WDR7: variants seen among roughly 807,000 people sequenced by gnomAD.
The protein encoded by WDR7 is WD repeat domain 7.
Under a neutral mutation model 169.4 loss-of-function variants are expected in WDR7, and 46 were observed. The observed-to-expected ratio is 0.27, with a 90% CI of 0.21 to 0.35. WDR7 has a LOEUF of 0.35. Ranked by LOEUF, WDR7 falls within the 10% of genes least tolerant of loss-of-function variation. WDR7 has a pLI of 1.00. For missense variants in WDR7, 1,534 were observed against 1,859.3 expected, an observed-to-expected ratio of 0.83 and a Z score of 3.22; for synonymous variants, 612 against 666.8, an observed-to-expected ratio of 0.92 and a Z score of 1.27.
chr18:56,988,241 G>A (rs2047753859), intron 26 of WDR7, among the ~76,000 whole-genome samples: 1 of 152,190 alleles, frequency 6.6e-6, no homozygotes, highest in South Asian at 2.1e-4. Flanking sequence ...CACCCCAAGT[G>A]TGTTGTGAGG....
At chr18:56,766,914 C>G (rs1263532723) in intron 16 of WDR7, among the ~76,000 whole-genome samples, 1 of 152,156 alleles carries the variant, frequency 6.6e-6, no homozygotes, top group Non-Finnish European at 1.5e-5. Flanking sequence ...TGCTTTCCTG[C>G]CTCTTTGCGT....
At chr18:56,807,468 C>T (rs1461899250) in intron 19 of WDR7, among the ~76,000 whole-genome samples, 1 of 152,038 alleles carries the variant, frequency 6.6e-6, no homozygotes, top group African/African-American at 2.4e-5. Context: ...TAATTAGAAG[C>T]ATCAGGCTTG....
intron 21 of WDR7, among the ~76,000 whole-genome samples, chr18:56,912,830 C>T (rs1209168899): frequency 6.6e-6 from 1 of 152,090 alleles, no homozygotes; most frequent in Non-Finnish European, 1.5e-5. Context: ...GTATCACATC[C>T]AGTTCCATGG....
intron 26 of WDR7, among the ~76,000 whole-genome samples, chr18:56,968,517 A>C (rs558296726): frequency 6.6e-6 from 1 of 152,232 alleles, no homozygotes; most frequent in Non-Finnish European, 1.5e-5. Context: ...GTCATAAAAG[A>C]TCTATCTATA....
At chr18:56,729,511 AT>A (rs1316293828) in intron 13 of WDR7, among the ~76,000 whole-genome samples, 1 of 152,016 alleles carries the variant, frequency 6.6e-6, no homozygotes, top group African/African-American at 2.4e-5. Context: ...TGTTATTTTC[AT>A]TTAACAGTAT....
At chr18:56,832,658 T>G (rs2045332232) in intron 20 of WDR7, among the ~76,000 whole-genome samples, 1 of 152,116 alleles carries the variant, frequency 6.6e-6, no homozygotes. Context: ...GCAGCAATGT[T>G]TGCTGTTCTG....
Position 56,718,169 on chromosome 18 carries a change from A to T in WDR7, c.1774+10A>T, listed in dbSNP as rs2026234554. 4 of 1,541,848 alleles carry T rather than the reference A, an allele frequency of 2.6e-6. No individual in the cohort carries two copies. In the East Asian group the frequency reaches 9.5e-5, roughly 36 times the overall value. On this transcript the variant is annotated intron_variant, in intron 13 of 27. Coordinates refer to ENST00000254442, the MANE Select transcript of WDR7 (RefSeq NM_015285.3). Reference sequence around the variant, plus strand: ...TGGCAAATGGATACTGGTAAGAACAAGTATGAAGAGATACTATAGAAAATT... The same window carrying T: ...TGGCAAATGGATACTGGTAAGAACATGTATGAAGAGATACTATAGAAAATT...
chr18:56,679,488 C>T, intron 3 of WDR7, 50 bp downstream of exon 3: 1 of 1,380,360 alleles, frequency 7.2e-7, no homozygotes, highest in Non-Finnish European at 1.0e-6. Context: ...TTATAACTAG[C>T]ACCAATGCCT....
At chr18:56,963,121 T>A (rs1324177945) in intron 26 of WDR7, among the ~76,000 whole-genome samples, 1 of 152,150 alleles carries the variant, frequency 6.6e-6, no homozygotes, top group Admixed American at 6.6e-5. Flanking sequence ...TGATTCTCAA[T>A]ATATACCAGT....
In WDR7 at chr18:56,756,797, C is replaced by A. The variant is rs776050969; in HGVS notation, c.2204C>A (p.Thr735Asn). The A allele has an allele frequency of 6.8e-6, 11 of 1,614,034 alleles. No individual in the cohort carries two copies. Among genetic ancestry groups the A allele is most frequent in the Non-Finnish European group, 8.5e-6 (10 of 1,180,000 alleles). ...GSSDKGGSFLTGKRAAVLFQQ... is the reference protein window; with the variant it reads ...GSSDKGGSFLNGKRAAVLFQQ... Reference sequence around the variant, plus strand: ...TCAGACAAAGGGGGCTCTTTTTTAACTGGAAAACGAGCAGCAGTTCTCTTC... The same window carrying A: ...TCAGACAAAGGGGGCTCTTTTTTAAATGGAAAACGAGCAGCAGTTCTCTTC... Residue 735 changes from threonine (T) to asparagine (N), a missense_variant, in exon 15 of 28, where the codon ACT becomes AAT. By Grantham distance (65) the Thr-to-Asn change is moderately conservative. Coordinates refer to ENST00000254442, the MANE Select transcript of WDR7 (RefSeq NM_015285.3).
intron 21 of WDR7, among the ~76,000 whole-genome samples, chr18:56,910,279 A>T (rs562146418): frequency 6.6e-6 from 1 of 152,346 alleles, no homozygotes; most frequent in Non-Finnish European, 1.5e-5. Context: ...TGATAATGTA[A>T]TCTCAGTCTG....
intron 20 of WDR7, among the ~76,000 whole-genome samples, chr18:56,843,637 A>G (rs938749653): frequency 1.3e-5 from 2 of 152,144 alleles, no homozygotes; most frequent in Non-Finnish European, 2.9e-5. Context: ...GCTGCTATGA[A>G]TATTGATATA....
At chr18:56,982,389 G>A (rs2047659521) in intron 26 of WDR7, among the ~76,000 whole-genome samples, 1 of 152,200 alleles carries the variant, frequency 6.6e-6, no homozygotes, top group Non-Finnish European at 1.5e-5. Context: ...AAAGGTATCA[G>A]AATTGACTCC....
At chr18:56,859,140 A>G (rs1442024877) in intron 20 of WDR7, among the ~76,000 whole-genome samples, 1 of 151,978 alleles carries the variant, frequency 6.6e-6, no homozygotes, top group Non-Finnish European at 1.5e-5. Context: ...CCCTTTGTCT[A>G]CTGAGGTCAA....
At chr18:56,703,826 CA>C (rs2025889672) in intron 12 of WDR7, among the ~76,000 whole-genome samples, 1 of 149,994 alleles carries the variant, frequency 6.7e-6, no homozygotes, top group Non-Finnish European at 1.5e-5. Flanking sequence ...TGCCTGTTAT[CA>C]ACGGTGGGAA....
chr18:56,997,705 A>G (rs989785619), intron 26 of WDR7, among the ~76,000 whole-genome samples: 3 of 152,190 alleles, frequency 2.0e-5, no homozygotes, highest in Non-Finnish European at 2.9e-5. Flanking sequence ...TGGCACTTGG[A>G]TTGATCTCTA....
intron 14 of WDR7, 60 bp from the exon 15 acceptor site, chr18:56,756,523 A>T (rs1437313935): frequency 1.5e-6 from 2 of 1,319,684 alleles, no homozygotes; most frequent in African/African-American, 3.0e-5. Context: ...TTGTTTATTA[A>T]TGAATGTATG....
At chr18:56,716,848 A>G (rs1392315884) in intron 12 of WDR7, among the ~76,000 whole-genome samples, 1 of 152,238 alleles carries the variant, frequency 6.6e-6, no homozygotes, top group Non-Finnish European at 1.5e-5. Flanking sequence ...ACCCAACCTC[A>G]GTATTGTCAG....
At chr18:56,899,412 T>G (rs575701266) in intron 21 of WDR7, among the ~76,000 whole-genome samples, 2 of 152,244 alleles carry the variant, frequency 1.3e-5, no homozygotes, top group Admixed American at 6.5e-5. Context: ...AGTCATATTC[T>G]GAATTTTGTT....
Sources: allele counts gnomAD v4.1 joint callset (sites outside exome capture counted in the v4.1 genomes callset), GRCh38; gene constraint gnomAD v4.1.1; transcripts MANE v1.5; gene names NCBI Gene and HGNC (gene_info 2026-07-23, HGNC 2026-07-21).